The following TAFA4 variants were observed in gnomAD, a reference collection of about 807,000 sequenced individuals.
TAFA4 encodes the protein TAFA chemokine like family member 4, also known as chemokine-like protein TAFA-4.
A neutral mutation model predicts 21.1 loss-of-function variants in TAFA4; 20 were observed. That is an observed-to-expected ratio of 0.95 (90% CI 0.67 to 1.38). The LOEUF is 1.38. Among genes scored for constraint, TAFA4 ranks in the 40% most tolerant of loss-of-function variants. The pLI is 0.00. For synonymous variants in TAFA4, 71 were observed against 67.4 expected (o/e 1.05, Z -0.26); for missense variants, 211 against 180.9 (o/e 1.17, Z -0.95).
At chr3:68,746,130 C>A (rs1056169722) in intron 4 of TAFA4, among the ~76,000 whole-genome samples, 7 of 152,140 alleles carry the variant, frequency 4.6e-5, no homozygotes, top group African/African-American at 1.7e-4. Flanking sequence ...CTTGGAGTTA[C>A]ACCAGTGGTT....
At chr3:68,904,108 T>A (rs921087735) in intron 1 of TAFA4, among the ~76,000 whole-genome samples, 1 of 151,676 alleles carries the variant, frequency 6.6e-6, no homozygotes, top group Admixed American at 6.6e-5. Flanking sequence ...GAAAGCTCCA[T>A]CGTTTCAAGT....
intron 3 of TAFA4, among the ~76,000 whole-genome samples, chr3:68,771,902 T>G (rs1702965024): frequency 6.6e-6 from 1 of 152,230 alleles, no homozygotes; most frequent in African/African-American, 2.4e-5. Flanking sequence ...TTGAGTATTG[T>G]GTAACCAAGA....
At chr3:68,899,513 T>C (rs1036503251) in intron 1 of TAFA4, among the ~76,000 whole-genome samples, 1 of 152,132 alleles carries the variant, frequency 6.6e-6, no homozygotes, top group Non-Finnish European at 1.5e-5. Flanking sequence ...CCATTCCTCC[T>C]ATTCAGGATC....
intron 3 of TAFA4, among the ~76,000 whole-genome samples, chr3:68,848,361 GAT>G (rs1704859611): frequency 6.6e-6 from 1 of 152,202 alleles, no homozygotes; most frequent in African/African-American, 2.4e-5. Context: ...TCTGCTCTCA[GAT>G]AGCTATGTAT....
chr3:68,807,514 C>G (rs1421644143), intron 3 of TAFA4, among the ~76,000 whole-genome samples: 1 of 152,072 alleles, frequency 6.6e-6, no homozygotes, highest in African/African-American at 2.4e-5. Context: ...TTACAATGCT[C>G]CTGGAGTCCT....
intron 4 of TAFA4, among the ~76,000 whole-genome samples, chr3:68,748,515 G>A (rs1702502298): frequency 6.6e-6 from 1 of 152,178 alleles, no homozygotes; most frequent in Admixed American, 6.5e-5. Flanking sequence ...GGCCAAGGCG[G>A]GTGGATCACG....
intron 3 of TAFA4, among the ~76,000 whole-genome samples, chr3:68,858,577 CGTGTGTGTGTGTGT>C (rs4065047): frequency 2.7e-5 from 4 of 146,158 alleles, no homozygotes; most frequent in Admixed American, 6.8e-5. Context: ...TTCCAAGTGA[CGTGTGTGTGTGTGT>C]GTGTGTGTGT....
chr3:68,902,235 C>A (rs78468642), intron 1 of TAFA4, among the ~76,000 whole-genome samples: 2 of 139,214 alleles, frequency 1.4e-5, no homozygotes, highest in Non-Finnish European at 1.7e-5. Context: ...AAGCCAGGTT[C>A]CCAAGTCTGC....
intron 1 of TAFA4, among the ~76,000 whole-genome samples, chr3:68,922,175 G>T (rs1575675115): frequency 1.3e-5 from 2 of 152,142 alleles, no homozygotes; most frequent in South Asian, 2.1e-4. Flanking sequence ...AATGTATTGT[G>T]TAAGAAAGTG....
intron 4 of TAFA4, among the ~76,000 whole-genome samples, chr3:68,743,066 C>A (rs969644631): frequency 2.6e-5 from 4 of 152,162 alleles, no homozygotes; most frequent in Non-Finnish European, 5.9e-5. Context: ...CCACATTGTA[C>A]CCGATTCTGG....
chr3:68,790,606 A>T (rs1176417703), intron 3 of TAFA4, among the ~76,000 whole-genome samples: 1 of 152,220 alleles, frequency 6.6e-6, no homozygotes, highest in Non-Finnish European at 1.5e-5. Flanking sequence ...GAAGGTCAGC[A>T]TCATATTCAT....
At position 68,924,696 on chromosome 3, in the gene TAFA4, C is replaced by T. The variant is rs746307549; in HGVS notation, c.-123+7544G>A. On this transcript the variant is annotated intron_variant, in intron 1 of 5. Coordinates refer to ENST00000295569, the MANE Select transcript of TAFA4 (RefSeq NM_182522.5). Reference sequence around the variant, plus strand: ...AACACCCAGCAACATCCTTACTCAACAAATGATAACTATTGTTACTATTAT... The same window carrying T: ...AACACCCAGCAACATCCTTACTCAATAAATGATAACTATTGTTACTATTAT... Among the ~76,000 whole-genome samples, 159 of 152,310 alleles carry T rather than the reference C, an allele frequency of 1.0e-3. 3 individuals are homozygous for T. Among genetic ancestry groups the T allele is most frequent in the Middle Eastern group, 0.01 (3 of 294 alleles).
intron 3 of TAFA4, among the ~76,000 whole-genome samples, chr3:68,851,998 G>T (rs372070464): frequency 6.6e-5 from 10 of 152,276 alleles, no homozygotes; most frequent in East Asian, 3.9e-4. Context: ...TGTCTGGGTG[G>T]GAGCCCAGGA....
intron 5 of TAFA4, 91 bp from the exon 6 acceptor site, chr3:68,733,244 G>GC: frequency 6.8e-7 from 1 of 1,476,106 alleles, no homozygotes; most frequent in Non-Finnish European, 9.2e-7. Context: ...TCCTGACTGT[G>GC]AATACTTTAT....
At chr3:68,919,022 C>T (rs558618996) in intron 1 of TAFA4, among the ~76,000 whole-genome samples, 62 of 152,298 alleles carry the variant, frequency 4.1e-4, no homozygotes, top group African/African-American at 1.4e-3. Context: ...AAACCCCTGC[C>T]ATAGGATTCA....
rs768205217 is a variant in TAFA4 at position 68,765,985 on chromosome 3, C to T, written c.131-12967G>A. 4.5e-4 allele frequency among the ~76,000 whole-genome samples: 69 copies of T among 152,084 alleles called. 1 individual carries two copies. Among genetic ancestry groups the T allele is most frequent in the Non-Finnish European group, 7.2e-4 (49 of 68,012 alleles). The stretch of plus-strand genomic sequence containing the variant: ...CCCATCCATATTCAGAGAGTCCATG[C>T]TTCCATAAAAAAGGTACAATGCTGG... On this transcript the variant is annotated intron_variant, in intron 3 of 5. Transcript: ENST00000295569.
At chr3:68,865,720 C>G (rs1236518737) in intron 3 of TAFA4, among the ~76,000 whole-genome samples, 1 of 152,058 alleles carries the variant, frequency 6.6e-6, no homozygotes, top group Non-Finnish European at 1.5e-5. Context: ...TCATAGTGTG[C>G]TGCTGCTTCA....
chr3:68,839,201 T>G (rs891972745), intron 3 of TAFA4, among the ~76,000 whole-genome samples: 1 of 152,066 alleles, frequency 6.6e-6, no homozygotes. Context: ...TGGGGAGCAA[T>G]TGTGTCCTAC....
In TAFA4 at chr3:68,777,821, T is replaced by C. The variant is rs550855572; in HGVS notation, c.131-24803A>G. On this transcript the variant is annotated intron_variant, in intron 3 of 5. Coordinates refer to ENST00000295569, the MANE Select transcript of TAFA4 (RefSeq NM_182522.5). ...TGTTTAGACATACAAATACTTACCA[T>C]TGTGTACAACTGCCTACAGTAATCA... Among the ~76,000 whole-genome samples, 6 of 152,294 alleles carry C rather than the reference T, an allele frequency of 3.9e-5. No individual in the cohort carries two copies. In the East Asian group the frequency reaches 1.2e-3, roughly 29 times the overall value.
Sources: gnomAD v4.1 joint callset for allele counts (sites outside exome capture counted in the v4.1 genomes callset) on GRCh38, gnomAD v4.1.1 for gene constraint, MANE v1.5 for transcripts, NCBI Gene and HGNC (gene_info 2026-07-23, HGNC 2026-07-21) for gene names.